Variants in CDH13 observed in about 807,000 individuals in gnomAD.
The protein encoded by CDH13 is cadherin 13, also known as cadherin-13.
A neutral mutation model predicts 63.8 loss-of-function variants in CDH13; 24 were observed. That is an observed-to-expected ratio of 0.38 (90% CI 0.27 to 0.53). The LOEUF is 0.53. Among genes scored for constraint, CDH13 ranks in the 20% least tolerant of loss-of-function variants. The probability of loss-of-function intolerance (pLI) is 0.85; values close to 1 mark genes in which losing one functional copy is unlikely to be tolerated. For synonymous variants in CDH13, 503 were observed against 355.3 expected (o/e 1.42, Z -4.67); for missense variants, 1,049 against 903.1 (o/e 1.16, Z -2.07).
chr16:83,059,789 G>GT (rs1256608391), intron 3 of CDH13, among the ~76,000 whole-genome samples: 23 of 98,744 alleles, frequency 2.3e-4, no homozygotes, highest in African/African-American at 7.1e-4. Flanking sequence ...TTTTTTTTTT[G>GT]TTTGTTTTTT....
rs181389636 is a variant in CDH13 at position 83,005,414 on chromosome 16, G to C, written c.158-26596G>C. On this transcript the variant is annotated intron_variant, in intron 2 of 13. Coordinates refer to ENST00000567109, the MANE Select transcript of CDH13 (RefSeq NM_001257.5). ...ACCTGTGGGCATACTAAAGTACCAAGGTAGGCTTAGCTGCAGGCACGGTAC... is the reference window on the plus strand; with the variant it reads ...ACCTGTGGGCATACTAAAGTACCAACGTAGGCTTAGCTGCAGGCACGGTAC... Among the ~76,000 whole-genome samples, 980 of 152,286 alleles carry C rather than the reference G, an allele frequency of 6.4e-3. 12 individuals carry two copies. The highest frequency in any genetic ancestry group is 0.018 in the African/African-American group (733 of 41,558).
intron 6 of CDH13, among the ~76,000 whole-genome samples, chr16:83,453,368 C>CA (rs1482766943): frequency 6.6e-6 from 1 of 150,542 alleles, no homozygotes; most frequent in Non-Finnish European, 1.5e-5. Flanking sequence ...CCTATGGAAA[C>CA]AAAAAAATTA....
chr16:83,593,995 G>C (rs575603253), intron 7 of CDH13, among the ~76,000 whole-genome samples: 2 of 152,326 alleles, frequency 1.3e-5, no homozygotes, highest in South Asian at 2.1e-4. Context: ...CCCTGCTCAG[G>C]AATCTGGGCA....
At chr16:83,281,399 G>A (rs2151856519) in intron 5 of CDH13, among the ~76,000 whole-genome samples, 1 of 152,318 alleles carries the variant, frequency 6.6e-6, no homozygotes, top group South Asian at 2.1e-4. Flanking sequence ...TTTACCTTAA[G>A]TGAATGTTGT....
At chr16:83,610,165 C>T (rs1908726433) in intron 8 of CDH13, among the ~76,000 whole-genome samples, 1 of 152,084 alleles carries the variant, frequency 6.6e-6, no homozygotes, top group Admixed American at 6.6e-5. Context: ...GTGAGTAACG[C>T]TGCTGTGAAC....
At chr16:83,402,564 T>C (rs1268387934) in intron 6 of CDH13, among the ~76,000 whole-genome samples, 1 of 152,246 alleles carries the variant, frequency 6.6e-6, no homozygotes, top group African/African-American at 2.4e-5. Flanking sequence ...CCTCAAAGGA[T>C]AGTCAGTTTG....
chr16:83,517,013 TG>T (rs1266261096), intron 7 of CDH13, among the ~76,000 whole-genome samples: 2 of 152,120 alleles, frequency 1.3e-5, no homozygotes, highest in African/African-American at 2.4e-5. Flanking sequence ...AGTTAAAAAC[TG>T]AAAAAAGTCT....
intron 1 of CDH13, among the ~76,000 whole-genome samples, chr16:82,726,583 T>C (rs2033109467): frequency 6.6e-6 from 1 of 152,234 alleles, no homozygotes; most frequent in East Asian, 1.9e-4. Context: ...TGCAGCTTAT[T>C]TCAAGCACCG....
At chr16:82,901,364 GTGTC>G (rs201521696) in intron 2 of CDH13, among the ~76,000 whole-genome samples, 2,267 of 146,018 alleles carry the variant, frequency 0.016, 25 homozygotes, top group Middle Eastern at 0.018. Flanking sequence ...GTGTGTGTGT[GTGTC>G]TGATGATTGG....
At chr16:82,725,351 T>C (rs2033035095) in intron 1 of CDH13, among the ~76,000 whole-genome samples, 3 of 152,170 alleles carry the variant, frequency 2.0e-5, no homozygotes, top group African/African-American at 7.2e-5. Flanking sequence ...TCTTGGCTTA[T>C]TGTTCTCTCT....
intron 7 of CDH13, among the ~76,000 whole-genome samples, chr16:83,550,251 C>G (rs1342263274): frequency 6.6e-6 from 1 of 152,202 alleles, no homozygotes; most frequent in African/African-American, 2.4e-5. Context: ...GGTCAGCTGG[C>G]CAGCAGGAGT....
At chr16:82,818,639 T>C (rs2037843166) in intron 1 of CDH13, among the ~76,000 whole-genome samples, 1 of 152,164 alleles carries the variant, frequency 6.6e-6, no homozygotes, top group Non-Finnish European at 1.5e-5. Context: ...TTAGAGGTGC[T>C]CAAAAGGCCC....
intron 7 of CDH13, among the ~76,000 whole-genome samples, chr16:83,593,738 C>T (rs1906986037): frequency 6.6e-6 from 1 of 151,928 alleles, no homozygotes; most frequent in South Asian, 2.1e-4. Flanking sequence ...TATGATGTCC[C>T]AGGCAGTGAA....
At chr16:82,702,024 C>T (rs1283242001) in intron 1 of CDH13, among the ~76,000 whole-genome samples, 4 of 152,182 alleles carry the variant, frequency 2.6e-5, no homozygotes, top group African/African-American at 7.2e-5. Context: ...TTGCTTATGG[C>T]ACTCAAGGTG....
chr16:82,809,180 T>G (rs1597659757), intron 1 of CDH13, among the ~76,000 whole-genome samples: 2 of 152,294 alleles, frequency 1.3e-5, no homozygotes, highest in South Asian at 4.1e-4. Context: ...TGAAAATATC[T>G]GTTTCCTCAT....
At chr16:83,372,927 AG>A (rs1256176757) in intron 6 of CDH13, among the ~76,000 whole-genome samples, 9 of 152,180 alleles carry the variant, frequency 5.9e-5, no homozygotes, top group Non-Finnish European at 7.3e-5. Flanking sequence ...TAGGGAAGCC[AG>A]CAATGGACCT....
chr16:82,944,083 C>T (rs1269787508), intron 2 of CDH13, among the ~76,000 whole-genome samples: 1 of 152,136 alleles, frequency 6.6e-6, no homozygotes, highest in Admixed American at 6.5e-5. Context: ...GGAAATAACC[C>T]AATTCATTAC....
intron 1 of CDH13, among the ~76,000 whole-genome samples, chr16:82,720,605 G>T (rs1053963523): frequency 6.6e-6 from 1 of 151,934 alleles, no homozygotes; most frequent in Non-Finnish European, 1.5e-5. Context: ...CAGAGGACCC[G>T]GGGAAAACCC....
intron 3 of CDH13, among the ~76,000 whole-genome samples, chr16:83,079,876 A>T (rs923818309): frequency 6.6e-6 from 1 of 152,264 alleles, no homozygotes; most frequent in African/African-American, 2.4e-5. Context: ...TGGGGAAACA[A>T]GTCATTAAAA....
Sources: gnomAD v4.1 joint callset for allele counts (sites outside exome capture counted in the v4.1 genomes callset) on GRCh38, gnomAD v4.1.1 for gene constraint, MANE v1.5 for transcripts, NCBI Gene and HGNC (gene_info 2026-07-23, HGNC 2026-07-21) for gene names.